The following TRHDE variants were observed in gnomAD, a reference collection of about 807,000 sequenced individuals.
TRHDE encodes thyrotropin-releasing hormone-degrading ectoenzyme.
In TRHDE, 72 loss-of-function variants were observed where a neutral mutation model predicts 125.7. The ratio of observed to expected loss-of-function variants is 0.57; its 90% CI spans 0.47 to 0.70. The LOEUF is 0.70. Among genes scored for constraint, TRHDE ranks in the 30% least tolerant of loss-of-function variants. The pLI is 0.00. For synonymous variants in TRHDE, 509 were observed against 509.1 expected (o/e 1.00, Z 0.00); for missense variants, 1,110 against 1,327.1 (o/e 0.84, Z 2.54).
chr12:72,280,327 T>C (rs943307518), intron 1 of TRHDE, among the ~76,000 whole-genome samples: 2 of 152,224 alleles, frequency 1.3e-5, no homozygotes, highest in East Asian at 3.8e-4. Context: ...CTGTGGTTAT[T>C]AAATATAATT....
chr12:72,154,848 T>C (rs879741996), intron 2 of TRHDE, among the ~76,000 whole-genome samples: 3 of 152,204 alleles, frequency 2.0e-5, no homozygotes, highest in Non-Finnish European at 4.4e-5. Flanking sequence ...ATTTCAACTT[T>C]GGTGAATCTG....
At chr12:72,554,938 G>A (rs1484101226) in intron 7 of TRHDE, among the ~76,000 whole-genome samples, 1 of 152,108 alleles carries the variant, frequency 6.6e-6, no homozygotes, top group African/African-American at 2.4e-5. Context: ...GGAATTGGTG[G>A]TATGATCTAT....
chr12:72,585,539 C>G (rs1336989839), intron 12 of TRHDE, among the ~76,000 whole-genome samples: 1 of 152,180 alleles, frequency 6.6e-6, no homozygotes, highest in Non-Finnish European at 1.5e-5. Flanking sequence ...TGCGCCAAAC[C>G]ATCTGTAAAC....
chr12:72,640,254 G>A (rs1031264389), intron 15 of TRHDE, among the ~76,000 whole-genome samples: 1 of 152,232 alleles, frequency 6.6e-6, no homozygotes, highest in African/African-American at 2.4e-5. Context: ...TCGGGTGGGA[G>A]TGACCCGATC....
chr12:72,600,919 A>G (rs1292065039), intron 12 of TRHDE, among the ~76,000 whole-genome samples: 1 of 152,094 alleles, frequency 6.6e-6, no homozygotes, highest in Non-Finnish European at 1.5e-5. Context: ...TGTTGTTTTC[A>G]TGCTTGCTAA....
intron 6 of TRHDE, 58 bp from the exon 7 acceptor site, chr12:72,542,233 A>G (rs934682234): frequency 7.3e-7 from 1 of 1,362,580 alleles, no homozygotes; most frequent in East Asian, 2.4e-5. Flanking sequence ...GAGTAAAACA[A>G]CTTTACAATC....
intron 6 of TRHDE, among the ~76,000 whole-genome samples, chr12:72,541,857 G>A (rs972320858): frequency 1.3e-5 from 2 of 151,250 alleles, no homozygotes; most frequent in African/African-American, 4.8e-5. Context: ...ACTTTTCTTG[G>A]TTAAGGAGTA....
At chr12:72,637,242 G>A in intron 15 of TRHDE, among the ~76,000 whole-genome samples, 1 of 152,162 alleles carries the variant, frequency 6.6e-6, no homozygotes, top group Non-Finnish European at 1.5e-5. Context: ...GAGAGTGTTT[G>A]TGTCGAGGCA....
At chr12:72,096,132 T>TAC (rs1208734021) in intron 1 of TRHDE, among the ~76,000 whole-genome samples, 1 of 26,572 alleles carries the variant, frequency 3.8e-5, no homozygotes, top group African/African-American at 1.0e-4. Flanking sequence ...TTCTTATGTG[T>TAC]ATACACACAC....
chr12:72,613,318 A>G (rs7135547), intron 12 of TRHDE, among the ~76,000 whole-genome samples: 61,947 of 151,980 alleles, frequency 0.41, 14,679 homozygotes, highest in African/African-American at 0.65. Context: ...TGGCCTTCTT[A>G]TCTTCTATAT....
In TRHDE at chr12:72,473,051, A is replaced by G. The variant is rs1396034197; in HGVS notation, c.1471-16A>G. On this transcript the variant is annotated splice_polypyrimidine_tract_variant and intron_variant, in intron 4 of 18. Coordinates refer to ENST00000261180, the MANE Select transcript of TRHDE (RefSeq NM_013381.3). ...GATTTTATTTTATTTGATGACCATT[A>G]ATTTTGTTACTGCAGTGGTTTGGTG... 2 of 1,585,690 alleles carry G rather than the reference A, an allele frequency of 1.3e-6. No homozygotes were observed. The highest frequency in any genetic ancestry group is 2.7e-5 in the African/African-American group (2 of 74,270).
intron 3 of TRHDE, among the ~76,000 whole-genome samples, chr12:72,390,108 C>T (rs1188120814): frequency 1.3e-5 from 2 of 152,166 alleles, no homozygotes; most frequent in African/African-American, 4.8e-5. Context: ...TTTGTTTTCC[C>T]ATGTGGTTTA....
At chr12:72,175,993 GA>G (rs1876980368) in intron 2 of TRHDE, among the ~76,000 whole-genome samples, 1 of 152,198 alleles carries the variant, frequency 6.6e-6, no homozygotes, top group Non-Finnish European at 1.5e-5. Context: ...TGGTCTGAGA[GA>G]GAACTGTGAT....
chr12:72,269,951 C>T (rs1185581334), upstream of TRHDE, among the ~76,000 whole-genome samples: 5 of 152,224 alleles, frequency 3.3e-5, no homozygotes, highest in Non-Finnish European at 5.9e-5. Context: ...GGGTCTTAGA[C>T]TCCCCGGGAT....
intron 7 of TRHDE, among the ~76,000 whole-genome samples, chr12:72,547,625 T>A (rs1869483469): frequency 6.6e-6 from 1 of 151,782 alleles, no homozygotes; most frequent in Non-Finnish European, 1.5e-5. Flanking sequence ...CCAATCCTCT[T>A]GGGATAAGTT....
At chr12:72,398,307 T>G (rs1872891847) in intron 3 of TRHDE, among the ~76,000 whole-genome samples, 1 of 152,214 alleles carries the variant, frequency 6.6e-6, no homozygotes, top group South Asian at 2.1e-4. Context: ...TGTGCATGTG[T>G]CTTTATAGCA....
intron 12 of TRHDE, among the ~76,000 whole-genome samples, chr12:72,606,530 A>G (rs1432131360): frequency 6.6e-6 from 1 of 152,178 alleles, no homozygotes; most frequent in African/African-American, 2.4e-5. Context: ...CTGGAAAGGA[A>G]ATACTGTTTC....
At chr12:72,620,466 T>C (rs1190680026) in intron 13 of TRHDE, among the ~76,000 whole-genome samples, 1 of 151,820 alleles carries the variant, frequency 6.6e-6, no homozygotes, top group Non-Finnish European at 1.5e-5. Context: ...GAGGATGCAG[T>C]GAGCCGTGGT....
At chr12:72,460,895 A>C (rs770839581) in intron 3 of TRHDE, among the ~76,000 whole-genome samples, 2 of 152,182 alleles carry the variant, frequency 1.3e-5, no homozygotes, top group Non-Finnish European at 2.9e-5. Context: ...TATGGGATCT[A>C]TCCTTTGGCA....
Sources: gnomAD v4.1 joint callset for allele counts (sites outside exome capture counted in the v4.1 genomes callset) on GRCh38, gnomAD v4.1.1 for gene constraint, MANE v1.5 for transcripts, NCBI Gene and HGNC (gene_info 2026-07-23, HGNC 2026-07-21) for gene names.